Variants in MYT1L observed in about 807,000 individuals in gnomAD.
The protein encoded by MYT1L is myelin transcription factor 1 like.
Under a neutral mutation model 126.7 loss-of-function variants are expected in MYT1L, and 12 were observed. That is an observed-to-expected ratio of 0.09 (90% CI 0.06 to 0.15). MYT1L has a LOEUF of 0.15. MYT1L is among the 10% of genes least tolerant of loss of function. The probability of loss-of-function intolerance (pLI) is 1.00; values close to 1 mark genes in which losing one functional copy is unlikely to be tolerated. For synonymous variants in MYT1L, 541 were observed against 604.2 expected, an observed-to-expected ratio of 0.90 and a Z score of 1.53; for missense variants, 979 against 1,585.2, an observed-to-expected ratio of 0.62 and a Z score of 6.49.
chr2:2,030,249 T>C (rs1379411365), intron 4 of MYT1L, among the ~76,000 whole-genome samples: 2 of 152,050 alleles, frequency 1.3e-5, no homozygotes, highest in Admixed American at 6.6e-5. Flanking sequence ...AGGCGTATGC[T>C]ACCACGCCTG....
In MYT1L at chr2:1,922,155, G is replaced by A. The variant is rs558554373; in HGVS notation, c.1483+131C>T. 2 of 1,204,272 alleles carry A rather than the reference G, an allele frequency of 1.7e-6. No individual in the cohort carries two copies. Among genetic ancestry groups the A allele is most frequent in the East Asian group, 2.5e-5 (1 of 39,860 alleles). The allele number at this position is 1,204,272 out of a possible 1,614,324, so 74.6% of individuals were successfully genotyped here. ...AACGTAATCACAAAATATCCTTCTGGAATCAACTCTAAGAATGTGCAGTAG... is the reference window on the plus strand; with the variant it reads ...AACGTAATCACAAAATATCCTTCTGAAATCAACTCTAAGAATGTGCAGTAG... On this transcript the variant is annotated intron_variant, in intron 10 of 24. Coordinates refer to ENST00000647738, the MANE Select transcript of MYT1L (RefSeq NM_001303052.2). The surrounding 1 kb of genome is among the most constrained non-coding windows in gnomAD (Gnocchi z 7.4).
intron 2 of MYT1L, among the ~76,000 whole-genome samples, chr2:2,221,668 G>A (rs1270309059): frequency 6.6e-6 from 1 of 152,168 alleles, no homozygotes; most frequent in Non-Finnish European, 1.5e-5. Flanking sequence ...CCCGTGGCAG[G>A]AACTGGGCTT....
At position 2,118,928 on chromosome 2, in the gene MYT1L, C is replaced by T. The variant is rs556402614; in HGVS notation, c.-304+53944G>A. 9.2e-5 allele frequency among the ~76,000 whole-genome samples: 14 copies of T among 152,354 alleles called. No individual in the cohort carries two copies. The South Asian group carries it at 2.5e-3, about 27-fold the overall frequency. On this transcript the variant is annotated intron_variant, in intron 3 of 24. Coordinates refer to ENST00000647738, the MANE Select transcript of MYT1L (RefSeq NM_001303052.2). ...GCGCCATCTCCTAGGAGAACAGTGACGGAATTAAGAGCTCTCTGTATAAAT... is the reference window on the plus strand; with the variant it reads ...GCGCCATCTCCTAGGAGAACAGTGATGGAATTAAGAGCTCTCTGTATAAAT...
chr2:2,090,313 T>C (rs2076785334), intron 3 of MYT1L, among the ~76,000 whole-genome samples: 1 of 152,182 alleles, frequency 6.6e-6, no homozygotes, highest in Non-Finnish European at 1.5e-5. Context: ...ATAAAGGGAA[T>C]ACGGTAATAA....
At chr2:2,229,291 A>C (rs551966568) in intron 2 of MYT1L, among the ~76,000 whole-genome samples, 10 of 152,334 alleles carry the variant, frequency 6.6e-5, no homozygotes, top group African/African-American at 2.4e-4. Context: ...ATCCCTATAT[A>C]TAAAAATAAA....
intron 5 of MYT1L, among the ~76,000 whole-genome samples, chr2:1,986,437 C>T (rs2061026771): frequency 6.6e-6 from 1 of 152,056 alleles, no homozygotes; most frequent in African/African-American, 2.4e-5. Context: ...GATTCCCTGG[C>T]CCAAGAAGGG....
rs1019275092 is a variant in MYT1L, at chr2:1,912,957, C to T, written c.1619-847G>A. ...GGGACGAAGGGACCCCCACACGGACCCTGTCTGCATCATGCTCTGCTCCTC... is the reference window on the plus strand; with the variant it reads ...GGGACGAAGGGACCCCCACACGGACTCTGTCTGCATCATGCTCTGCTCCTC... On this transcript the variant is annotated intron_variant, in intron 11 of 24. Transcript: ENST00000647738. The surrounding 1 kb of genome is among the most constrained non-coding windows in gnomAD (Gnocchi z 4.3). Among the ~76,000 whole-genome samples, 1 of 152,154 alleles carries T rather than the reference C, an allele frequency of 6.6e-6. No individual in the cohort carries two copies. Among genetic ancestry groups the T allele is most frequent in the African/African-American group, 2.4e-5 (1 of 41,428 alleles).
At chr2:1,892,792 G>A (rs1484725720) in intron 14 of MYT1L, among the ~76,000 whole-genome samples, 2 of 152,186 alleles carry the variant, frequency 1.3e-5, no homozygotes, top group African/African-American at 4.8e-5. Context: ...GAGGTGGGCT[G>A]TTCCTTTCAG....
chr2:1,968,480 C>T (rs370642111), intron 8 of MYT1L, among the ~76,000 whole-genome samples: 6 of 152,176 alleles, frequency 3.9e-5, no homozygotes, highest in African/African-American at 1.2e-4. Context: ...CTGTGTCTGG[C>T]GATGTCAAGT....
chr2:2,249,396 T>C (rs2094593791), intron 2 of MYT1L, among the ~76,000 whole-genome samples: 1 of 151,758 alleles, frequency 6.6e-6, no homozygotes, highest in South Asian at 2.1e-4. Context: ...AAAAAGACAT[T>C]CAATGTTCAT....
chr2:2,181,106 A>T (rs1293901822), intron 2 of MYT1L, among the ~76,000 whole-genome samples: 2 of 148,802 alleles, frequency 1.3e-5, no homozygotes, highest in Non-Finnish European at 3.0e-5. Flanking sequence ...CTGTGTGTGA[A>T]CATGTATCTG....
At chr2:1,938,982 A>G (rs2056318067) in intron 9 of MYT1L, among the ~76,000 whole-genome samples, 1 of 152,192 alleles carries the variant, frequency 6.6e-6, no homozygotes, top group African/African-American at 2.4e-5. Context: ...TAAAGTCCAC[A>G]TTTCAGTTTA....
At chr2:2,307,408 A>G (rs2095872702) in intron 1 of MYT1L, among the ~76,000 whole-genome samples, 1 of 152,144 alleles carries the variant, frequency 6.6e-6, no homozygotes, top group Non-Finnish European at 1.5e-5. Flanking sequence ...GCTACTCTAA[A>G]GTAATGATGG....
chr2:2,015,912 G>A (rs1558746514), intron 4 of MYT1L, among the ~76,000 whole-genome samples: 1 of 152,204 alleles, frequency 6.6e-6, no homozygotes, highest in South Asian at 2.1e-4. Context: ...CAGGAATATG[G>A]GTGGGACTCC....
chr2:2,143,000 A>G (rs1027238451), intron 3 of MYT1L, among the ~76,000 whole-genome samples: 1 of 150,550 alleles, frequency 6.6e-6, no homozygotes, highest in South Asian at 2.1e-4. Context: ...ACTTTTTTAA[A>G]AAGTTGTAGG....
At chr2:1,999,185 G>A (rs952600294) in intron 4 of MYT1L, among the ~76,000 whole-genome samples, 11 of 152,156 alleles carry the variant, frequency 7.2e-5, no homozygotes, top group Admixed American at 6.5e-4. Context: ...AGTAGGCAGT[G>A]ATATTAATAT....
rs765707855 is a variant in MYT1L at position 2,224,964 on chromosome 2, G to A, written c.-420-51976C>T. Among the ~76,000 whole-genome samples, 6 of 152,124 alleles carry A rather than the reference G, an allele frequency of 3.9e-5. No individual in the cohort carries two copies. The highest frequency in any genetic ancestry group is 5.9e-5 in the Non-Finnish European group (4 of 68,028). ...TGCTGGGCTCCACGCTGGGTTTGAG[G>A]TTCTGTCACCGTCTTGGAAACTTTA... On this transcript the variant is annotated intron_variant, in intron 2 of 24. Coordinates refer to ENST00000647738, the MANE Select transcript of MYT1L (RefSeq NM_001303052.2). This position sits in a 1 kb window ranked among gnomAD's most constrained non-coding sequence, Gnocchi z 4.0.
At chr2:2,178,147 CAAAAT>C (rs1472720369) in intron 2 of MYT1L, among the ~76,000 whole-genome samples, 1 of 151,762 alleles carries the variant, frequency 6.6e-6, no homozygotes, top group Non-Finnish European at 1.5e-5. Flanking sequence ...ATTTATGTAA[CAAAAT>C]AAACTGAAAA....
intron 3 of MYT1L, among the ~76,000 whole-genome samples, chr2:2,129,192 G>C (rs1222093169): frequency 2.0e-5 from 3 of 152,184 alleles, no homozygotes; most frequent in African/African-American, 7.2e-5. Context: ...GGAGAAGGTG[G>C]TCGGGAAGAA....
Sources: allele counts gnomAD v4.1 joint callset (sites outside exome capture counted in the v4.1 genomes callset), GRCh38; gene constraint gnomAD v4.1.1; non-coding constraint Gnocchi (gnomAD v3.1); transcripts MANE v1.5; gene names NCBI Gene and HGNC (gene_info 2026-07-23, HGNC 2026-07-21).